The following SV2C variants were observed in gnomAD, a reference collection of about 807,000 sequenced individuals.
SV2C encodes the protein synaptic vesicle glycoprotein 2C, also known as solute carrier family 22 member B3.
SV2C carries 49 observed loss-of-function variants against 79.7 expected under a neutral mutation model. The observed-to-expected ratio is 0.61, with a 90% CI of 0.49 to 0.78. The LOEUF (loss-of-function observed/expected upper bound fraction) is 0.78, where lower values mean the gene tolerates loss of function less well. Ranked by LOEUF, SV2C falls within the 30% of genes least tolerant of loss-of-function variation. The pLI, the probability that SV2C is intolerant of heterozygous loss-of-function variation, is 0.00. For synonymous variants in SV2C, 334 were observed against 333.2 expected, an observed-to-expected ratio of 1.00 and a Z score of -0.03; for missense variants, 833 against 912.9, an observed-to-expected ratio of 0.91 and a Z score of 1.13.
intron 2 of SV2C, among the ~76,000 whole-genome samples, chr5:76,162,298 G>A (rs1310252145): frequency 6.6e-6 from 1 of 152,158 alleles, no homozygotes; most frequent in African/African-American, 2.4e-5. Flanking sequence ...CAAAGAAATG[G>A]CAGAATGTTT....
intron 3 of SV2C, among the ~76,000 whole-genome samples, chr5:76,202,589 G>A (rs1744485579): frequency 6.6e-6 from 1 of 152,122 alleles, no homozygotes; most frequent in African/African-American, 2.4e-5. Flanking sequence ...AAATATCTCT[G>A]GCCCCAGAGC....
intron 12 of SV2C, among the ~76,000 whole-genome samples, chr5:76,312,756 C>G (rs1470782198): frequency 6.6e-6 from 1 of 152,162 alleles, no homozygotes; most frequent in Non-Finnish European, 1.5e-5. Flanking sequence ...CCTTATGCCC[C>G]CTTATGCATG....
rs1580293457 is a variant in SV2C, at chr5:76,132,383, C to T, written c.580+53C>T. The T allele has an allele frequency of 1.1e-5, 16 of 1,496,724 alleles. No individual in the cohort carries two copies. In the East Asian group the frequency reaches 3.4e-4, roughly 32 times the overall value. 92.7% of individuals were successfully genotyped at this position (1,496,724 alleles called of 1,614,324 possible). ...CTCTGAAACTGGCTTATTTGTTAAG[C>T]ACAGTTATCAACATAGAGAATAAAT... On this transcript the variant is annotated intron_variant, in intron 2 of 12. Coordinates refer to ENST00000502798, the MANE Select transcript of SV2C (RefSeq NM_014979.4).
the SV2C span, among the ~76,000 whole-genome samples, chr5:75,948,432 T>C: frequency 6.6e-6 from 1 of 152,094 alleles, no homozygotes; most frequent in Non-Finnish European, 1.5e-5. Context: ...AAGGCAATGA[T>C]ACACTCTGCT....
At chr5:76,266,711 T>C (rs1265506158) in intron 4 of SV2C, among the ~76,000 whole-genome samples, 3 of 151,886 alleles carry the variant, frequency 2.0e-5, no homozygotes, top group East Asian at 3.9e-4. Flanking sequence ...TTTGGGATGA[T>C]GGAAATAGTT....
At chr5:76,068,218 T>C in the SV2C span, among the ~76,000 whole-genome samples, 1 of 152,202 alleles carries the variant, frequency 6.6e-6, no homozygotes, top group African/African-American at 2.4e-5. Flanking sequence ...TTCCTGAGAA[T>C]GTATTTCCTT....
At chr5:76,032,461 T>C in the SV2C span, among the ~76,000 whole-genome samples, 3 of 152,102 alleles carry the variant, frequency 2.0e-5, no homozygotes, top group Non-Finnish European at 4.4e-5. Flanking sequence ...TGTGTTCTCA[T>C]TGTTCAATTC....
intron 2 of SV2C, among the ~76,000 whole-genome samples, chr5:76,173,255 G>GA (rs1211292482): frequency 5.3e-5 from 8 of 149,796 alleles, no homozygotes; most frequent in Admixed American, 2.0e-4. Context: ...AAATAGTGGT[G>GA]CTTTTAGGAT....
chr5:76,112,252 G>A (rs550031856), intron 1 of SV2C, among the ~76,000 whole-genome samples: 178 of 152,328 alleles, frequency 1.2e-3, no homozygotes, highest in Middle Eastern at 3.4e-3. Flanking sequence ...ATCAGGGCAT[G>A]GTGATGTGAG....
At chr5:75,934,927 A>G in the SV2C span, among the ~76,000 whole-genome samples, 1 of 121,216 alleles carries the variant, frequency 8.2e-6, no homozygotes, top group Non-Finnish European at 1.8e-5. Flanking sequence ...TTTTTTCTCT[A>G]TTTTGTGCAC....
In SV2C at chr5:76,285,256, C is replaced by T; in HGVS notation, c.1008C>T (p.Ala336=). The T allele has an allele frequency of 1.9e-6, 3 of 1,614,114 alleles. No individual in the cohort carries two copies. The highest frequency in any genetic ancestry group is 1.7e-5 in the Admixed American group (1 of 60,016). The change falls in exon 5 of 13, where the codon GCC becomes GCT. Residue 336 remains alanine, a synonymous_variant. Coordinates refer to ENST00000502798, the MANE Select transcript of SV2C (RefSeq NM_014979.4). ...TCCCCTGTGTCTCCTCCGTGGTGGC[C>T]CTCACATTCATGCCTGAAAGCCCAC... ...CALPCVSSVV[A]LTFMPESPRF... is the part of the protein sequence containing the mutation.
intron 1 of SV2C, among the ~76,000 whole-genome samples, chr5:76,103,984 T>A (rs1747823302): frequency 6.6e-6 from 1 of 152,170 alleles, no homozygotes; most frequent in Non-Finnish European, 1.5e-5. Flanking sequence ...ACTAGCAAAT[T>A]GAATCCAGAA....
At chr5:75,929,805 T>C in the SV2C span, among the ~76,000 whole-genome samples, 2 of 152,214 alleles carry the variant, frequency 1.3e-5, no homozygotes, top group Admixed American at 1.3e-4. Context: ...TATTTGCTCA[T>C]TAAGCATGGT....
At chr5:75,988,614 T>A in the SV2C span, among the ~76,000 whole-genome samples, 1 of 151,934 alleles carries the variant, frequency 6.6e-6, no homozygotes, top group African/African-American at 2.4e-5. Flanking sequence ...TCTCCCATTC[T>A]ATTTTTCCCC....
chr5:75,882,925 T>C, the SV2C span, among the ~76,000 whole-genome samples: 1 of 151,422 alleles, frequency 6.6e-6, no homozygotes, highest in Non-Finnish European at 1.5e-5. Context: ...GGGAGAAAAT[T>C]TTCGCAACCT....
At chr5:76,082,614 CTCTCTCTA>C (rs1234929326), upstream of SV2C, among the ~76,000 whole-genome samples, 1 of 140,912 alleles carries the variant, frequency 7.1e-6, no homozygotes, top group African/African-American at 2.7e-5. Flanking sequence ...CCTCCTCTCT[CTCTCTCTA>C]TCTCTCTCTC....
At chr5:76,129,811 C>T (rs1748821357) in intron 1 of SV2C, among the ~76,000 whole-genome samples, 1 of 152,170 alleles carries the variant, frequency 6.6e-6, no homozygotes, top group Non-Finnish European at 1.5e-5. Context: ...CTGCTTTCAA[C>T]TAACCAGAAT....
At chr5:75,915,915 T>C in the SV2C span, among the ~76,000 whole-genome samples, 1 of 151,956 alleles carries the variant, frequency 6.6e-6, no homozygotes, top group South Asian at 2.1e-4. Flanking sequence ...ATTCTTGGGG[T>C]AGGAATATGC....
At chr5:76,205,631 T>C (rs1044064840) in intron 3 of SV2C, among the ~76,000 whole-genome samples, 1 of 152,226 alleles carries the variant, frequency 6.6e-6, no homozygotes, top group East Asian at 1.9e-4. Flanking sequence ...GATCATTCTA[T>C]AACGAACACT....
Sources: gnomAD v4.1 joint callset for allele counts (sites outside exome capture counted in the v4.1 genomes callset) on GRCh38, gnomAD v4.1.1 for gene constraint, MANE v1.5 for transcripts, NCBI Gene and HGNC (gene_info 2026-07-23, HGNC 2026-07-21) for gene names.